The following FANCC variants were observed in gnomAD, a reference collection of about 807,000 sequenced individuals.
FANCC encodes Fanconi anemia group C protein.
A neutral mutation model predicts 71.3 loss-of-function variants in FANCC; 55 were observed. That is an observed-to-expected ratio of 0.77 (90% CI 0.62 to 0.97). The LOEUF (loss-of-function observed/expected upper bound fraction) is 0.97, where lower values mean the gene tolerates loss of function less well. Among genes scored for constraint, FANCC ranks in the 50% least tolerant of loss-of-function variants. The probability of loss-of-function intolerance (pLI) is 0.00; values close to 1 mark genes in which losing one functional copy is unlikely to be tolerated. For missense variants in FANCC, 678 were observed against 670.9 expected (o/e 1.01, Z -0.12); for synonymous variants, 275 against 244.9 (o/e 1.12, Z -1.15).
intron 11 of FANCC, among the ~76,000 whole-genome samples, chr9:95,116,605 C>A (rs2072442947): frequency 1.3e-5 from 2 of 152,174 alleles, no homozygotes; most frequent in Admixed American, 1.3e-4. Context: ...TTCTGGCTGG[C>A]GCAGTCTGTG....
rs769200374 is a variant in FANCC at position 95,247,479 on chromosome 9, C to T, written c.203G>A (p.Gly68Asp). Reference sequence around the variant, plus strand: ...CCAACAAGCTTTTGCCAACAGTTGACCAATTGTGGGGAATCTTTCAATGAC... The same window carrying T: ...CCAACAAGCTTTTGCCAACAGTTGATCAATTGTGGGGAATCTTTCAATGAC... ...NTVIERFPTI[G>D]QLLAKACWNP... is the part of the protein sequence containing the mutation. The change falls in exon 3 of 15, where the codon GGT becomes GAT. Residue 68 changes from glycine to aspartate, a missense_variant. Gly to Asp is a moderately conservative substitution (Grantham distance 94). Coordinates refer to ENST00000289081, the MANE Select transcript of FANCC (RefSeq NM_000136.3). 6.2e-7 allele frequency: 1 copy of T among 1,613,696 alleles called. No homozygotes were observed. The highest frequency in any genetic ancestry group is 8.5e-7 in the Non-Finnish European group (1 of 1,179,812).
intron 1 of FANCC, among the ~76,000 whole-genome samples, chr9:95,276,052 T>C (rs1833019850): frequency 6.6e-6 from 1 of 152,098 alleles, no homozygotes; most frequent in African/African-American, 2.4e-5. Flanking sequence ...AGATGCTTGG[T>C]TTTTCCAGAC....
intron 1 of FANCC, among the ~76,000 whole-genome samples, chr9:95,260,348 T>C (rs574862613): frequency 6.6e-6 from 1 of 152,298 alleles, no homozygotes; most frequent in East Asian, 1.9e-4. Flanking sequence ...CACCATGGAA[T>C]GCTATGCAGC....
intron 1 of FANCC, among the ~76,000 whole-genome samples, chr9:95,271,927 C>CTT (rs869093626): frequency 0.01 from 525 of 50,476 alleles, 154 homozygotes; most frequent in Non-Finnish European, 0.016. Context: ...CAAGCCTCTT[C>CTT]TTTTTTTTTT....
At position 95,249,330 on chromosome 9, in the gene FANCC, C is replaced by A; in HGVS notation, c.-39G>T. The A allele has an allele frequency of 1.2e-6, 2 of 1,600,608 alleles. No homozygotes were observed. Among genetic ancestry groups the A allele is most frequent in the Middle Eastern group, 3.3e-4 (2 of 6,050 alleles). On this transcript the variant is annotated 5_prime_UTR_variant, in exon 2 of 15. Coordinates refer to ENST00000289081, the MANE Select transcript of FANCC (RefSeq NM_000136.3). ...AAAAGGTGATGTCCCTTCACAGCAG[C>A]CTGTCCAGCACTGAAGGAAATGGTC...
chr9:95,125,627 A>C (rs139936424), intron 9 of FANCC, among the ~76,000 whole-genome samples: 52 of 152,326 alleles, frequency 3.4e-4, no homozygotes, highest in African/African-American at 1.3e-3. Flanking sequence ...TTGTACAATT[A>C]ATTTTTCTTT....
rs186730104 is a variant in FANCC at position 95,207,667 on chromosome 9, G to A, written c.345+32982C>T. ...TGAGCAGGTCAGACGGACAAATCCC[G>A]GGTGCCTTCTCATTGACAGTGTTAC... On this transcript the variant is annotated intron_variant, in intron 4 of 14. Transcript: ENST00000289081. 1.4e-3 allele frequency among the ~76,000 whole-genome samples: 217 copies of A among 152,208 alleles called. 2 individuals carry two copies. The highest frequency in any genetic ancestry group is 4.9e-3 in the African/African-American group (202 of 41,542).
chr9:95,118,385 A>G (rs538544834), intron 10 of FANCC, among the ~76,000 whole-genome samples: 1 of 152,390 alleles, frequency 6.6e-6, no homozygotes, highest in Non-Finnish European at 1.5e-5. Flanking sequence ...CCAAAGAGCT[A>G]CAGCTATCTA....
At chr9:95,123,917 T>C in intron 10 of FANCC, 1 of 413,424 alleles carries the variant, frequency 2.4e-6, no homozygotes, top group East Asian at 5.4e-5. Flanking sequence ...TTGAGAAAAA[T>C]AAAATGGAAA....
intron 3 of FANCC, among the ~76,000 whole-genome samples, chr9:95,241,527 A>G (rs1830628062): frequency 6.6e-6 from 1 of 152,178 alleles, no homozygotes; most frequent in East Asian, 1.9e-4. Context: ...GGGGCCTAGA[A>G]ACTGAAGATG....
At chr9:95,170,367 T>C (rs1825584910) in intron 6 of FANCC, among the ~76,000 whole-genome samples, 1 of 149,390 alleles carries the variant, frequency 6.7e-6, no homozygotes, top group Non-Finnish European at 1.5e-5. Context: ...AGACAATTTC[T>C]GATAGAGCTT....
intron 4 of FANCC, among the ~76,000 whole-genome samples, chr9:95,203,901 T>A (rs1827955060): frequency 6.6e-6 from 1 of 152,190 alleles, no homozygotes; most frequent in Admixed American, 6.5e-5. Flanking sequence ...ATAATAAAAT[T>A]ACATAGCTGG....
At chr9:95,277,759 G>A (rs1833131612) in intron 1 of FANCC, among the ~76,000 whole-genome samples, 1 of 151,938 alleles carries the variant, frequency 6.6e-6, no homozygotes, top group Non-Finnish European at 1.5e-5. Context: ...AAAAACATGG[G>A]AAAACATATT....
At chr9:95,309,660 G>T (rs1357698884) in intron 1 of FANCC, among the ~76,000 whole-genome samples, 1 of 152,112 alleles carries the variant, frequency 6.6e-6, no homozygotes, top group Non-Finnish European at 1.5e-5. Flanking sequence ...TATCACCTAG[G>T]ATGCCTTTGG....
chr9:95,284,879 C>CAT (rs1833589177), intron 1 of FANCC, among the ~76,000 whole-genome samples: 3 of 78,500 alleles, frequency 3.8e-5, no homozygotes, highest in Non-Finnish European at 7.3e-5. Context: ...CACACACATA[C>CAT]ACACACACAC....
chr9:95,310,386 G>A (rs925201217), intron 1 of FANCC, among the ~76,000 whole-genome samples: 1 of 151,956 alleles, frequency 6.6e-6, no homozygotes, highest in Non-Finnish European at 1.5e-5. Context: ...AAAAAAGGAG[G>A]GGGGGAATTC....
At chr9:95,213,202 G>A (rs1259508726) in intron 4 of FANCC, among the ~76,000 whole-genome samples, 1 of 152,052 alleles carries the variant, frequency 6.6e-6, no homozygotes, top group Non-Finnish European at 1.5e-5. Flanking sequence ...AAATATGGGG[G>A]TCACAATTGT....
At chr9:95,164,843 C>CT (rs769398074) in intron 6 of FANCC, among the ~76,000 whole-genome samples, 1 of 152,098 alleles carries the variant, frequency 6.6e-6, no homozygotes, top group Non-Finnish European at 1.5e-5. Context: ...TTTTGGAAGA[C>CT]TTTAAGAAAG....
intron 4 of FANCC, among the ~76,000 whole-genome samples, chr9:95,193,392 CG>C (rs1827229929): frequency 6.6e-6 from 1 of 152,054 alleles, no homozygotes; most frequent in Non-Finnish European, 1.5e-5. Flanking sequence ...AGGGTGGAGA[CG>C]AAACAGACCT....
Sources: allele counts gnomAD v4.1 joint callset (sites outside exome capture counted in the v4.1 genomes callset), GRCh38; gene constraint gnomAD v4.1.1; transcripts MANE v1.5; gene names NCBI Gene and HGNC (gene_info 2026-07-23, HGNC 2026-07-21).